The following ROBO2 variants were observed in gnomAD, a reference collection of about 807,000 sequenced individuals.
The protein encoded by ROBO2 is roundabout homolog 2.
A neutral mutation model predicts 160.8 loss-of-function variants in ROBO2; 53 were observed. The ratio of observed to expected loss-of-function variants is 0.33; its 90% CI spans 0.26 to 0.41. The LOEUF is 0.41. Ranked by LOEUF, ROBO2 falls within the 10% of genes least tolerant of loss-of-function variation. The pLI is 1.00. For synonymous variants in ROBO2, 664 were observed against 611.7 expected (o/e 1.09, Z -1.26); for missense variants, 1,577 against 1,722.4 (o/e 0.92, Z 1.49).
chr3:76,948,610 G>A (rs1455914593), intron 2 of ROBO2, among the ~76,000 whole-genome samples: 2 of 131,852 alleles, frequency 1.5e-5, no homozygotes, highest in African/African-American at 2.9e-5. Context: ...TTTTGGAGAC[G>A]GAGTCTCACC....
At chr3:76,205,029 C>T (rs1702733110) in intron 2 of ROBO2, among the ~76,000 whole-genome samples, 1 of 152,000 alleles carries the variant, frequency 6.6e-6, no homozygotes, top group African/African-American at 2.4e-5. Context: ...GACGAAGTTA[C>T]CCTTAGGTTT....
intron 2 of ROBO2, among the ~76,000 whole-genome samples, chr3:76,335,398 TCTTGAACTCCTGACCTCAAGTGATCTGCC>T (rs2073815056): frequency 1.3e-5 from 2 of 151,890 alleles, no homozygotes; most frequent in African/African-American, 4.8e-5. Context: ...GCCAGGCTGG[TCTTGAACTCCTGACCTCAAGTGATCTGCC>T]CACCTTGGCC....
At chr3:76,423,209 A>T (rs916126539) in intron 2 of ROBO2, among the ~76,000 whole-genome samples, 2 of 152,154 alleles carry the variant, frequency 1.3e-5, no homozygotes, top group Admixed American at 6.6e-5. Context: ...GAAATAGAGG[A>T]TCTCCCTGGA....
chr3:76,490,684 C>T (rs2079770887), intron 2 of ROBO2, among the ~76,000 whole-genome samples: 1 of 151,994 alleles, frequency 6.6e-6, no homozygotes, highest in Admixed American at 6.6e-5. Context: ...AATGCAACCC[C>T]AAACTTGAGA....
At chr3:77,102,840 C>T (rs1023327472) in intron 2 of ROBO2, among the ~76,000 whole-genome samples, 17 of 96,658 alleles carry the variant, frequency 1.8e-4, no homozygotes, top group South Asian at 6.7e-4. Flanking sequence ...TTATTTTTTT[C>T]TTAGTTTGCA....
chr3:76,119,055 A>G (rs1254004205), intron 2 of ROBO2, among the ~76,000 whole-genome samples: 2 of 152,206 alleles, frequency 1.3e-5, no homozygotes, highest in Admixed American at 1.3e-4. Context: ...CAATATGAGG[A>G]CATAGCAGAT....
At chr3:77,580,957 C>G (rs2093902877) in intron 16 of ROBO2, among the ~76,000 whole-genome samples, 1 of 152,130 alleles carries the variant, frequency 6.6e-6, no homozygotes. Flanking sequence ...CTCCCACCAG[C>G]AAGAAAAATG....
intron 2 of ROBO2, among the ~76,000 whole-genome samples, chr3:76,090,689 C>G (rs62268903): frequency 0.069 from 10,476 of 152,140 alleles, 915 homozygotes; most frequent in African/African-American, 0.2. Context: ...CAAACTTTGA[C>G]TTACTCTAAA....
intron 5 of ROBO2, among the ~76,000 whole-genome samples, chr3:77,512,748 G>T (rs9879585): frequency 6.6e-6 from 1 of 151,876 alleles, no homozygotes; most frequent in African/African-American, 2.4e-5. Context: ...GAAAGGTATA[G>T]GTTGACCTTC....
intron 2 of ROBO2, among the ~76,000 whole-genome samples, chr3:76,492,141 C>G (rs2079865063): frequency 6.6e-6 from 1 of 151,858 alleles, no homozygotes; most frequent in Non-Finnish European, 1.5e-5. Context: ...AAAAACACCC[C>G]CAAAACTTAA....
rs78581184 is a variant in ROBO2, at chr3:77,116,626, A to G, written c.388+18286A>G. 1.1e-4 allele frequency among the ~76,000 whole-genome samples: 16 copies of G among 152,294 alleles called. No homozygotes were observed. The East Asian group carries it at 2.9e-3, about 28-fold the overall frequency. ...GTATTTACCTGTAATTCTTTCGTCT[A>G]AACATTGCTTTTCTAATATGATTTC... On this transcript the variant is annotated intron_variant, in intron 2 of 25. Transcript: ENST00000461745.
chr3:76,635,738 CA>C (rs1346291138), intron 2 of ROBO2, among the ~76,000 whole-genome samples: 1 of 152,188 alleles, frequency 6.6e-6, no homozygotes, highest in African/African-American at 2.4e-5. Flanking sequence ...CTCACGAGCT[CA>C]AAAACAGGGA....
intron 23 of ROBO2, among the ~76,000 whole-genome samples, chr3:77,628,601 T>C (rs2095087639): frequency 6.6e-6 from 1 of 152,206 alleles, no homozygotes; most frequent in Admixed American, 6.5e-5. Context: ...ACATCTTATA[T>C]ACTATTTGAT....
chr3:76,739,458 C>T (rs1175886932), intron 2 of ROBO2, among the ~76,000 whole-genome samples: 1 of 133,448 alleles, frequency 7.5e-6, no homozygotes, highest in Non-Finnish European at 1.5e-5. Flanking sequence ...AGAAGGGGAA[C>T]ATCACACTCT....
At chr3:77,354,681 TTTGAA>T (rs1324444115) in intron 2 of ROBO2, among the ~76,000 whole-genome samples, 2 of 152,216 alleles carry the variant, frequency 1.3e-5, no homozygotes, top group Admixed American at 6.5e-5. Context: ...TAGGTATTTT[TTTGAA>T]TTATAACATG....
chr3:77,397,230 A>T (rs1159774037), intron 2 of ROBO2, among the ~76,000 whole-genome samples: 2 of 152,174 alleles, frequency 1.3e-5, no homozygotes, highest in African/African-American at 4.8e-5. Context: ...GAGACTGATC[A>T]TGGCTTGTTC....
intron 2 of ROBO2, among the ~76,000 whole-genome samples, chr3:76,334,330 C>A (rs2073717826): frequency 6.6e-6 from 1 of 152,102 alleles, no homozygotes; most frequent in South Asian, 2.1e-4. Flanking sequence ...CATCCCCCAC[C>A]TCCAGAAATG....
At chr3:77,139,218 C>T (rs1430706155) in intron 2 of ROBO2, among the ~76,000 whole-genome samples, 1 of 151,772 alleles carries the variant, frequency 6.6e-6, no homozygotes, top group African/African-American at 2.4e-5. Flanking sequence ...CTTCCAAATT[C>T]CCTGATTAAA....
At chr3:77,523,513 T>G (rs1226459122) in intron 6 of ROBO2, among the ~76,000 whole-genome samples, 1 of 151,418 alleles carries the variant, frequency 6.6e-6, no homozygotes, top group African/African-American at 2.4e-5. Context: ...GTCATGCACT[T>G]CCTCAGTCAT....
Sources: allele counts gnomAD v4.1 joint callset (sites outside exome capture counted in the v4.1 genomes callset), GRCh38; gene constraint gnomAD v4.1.1; transcripts MANE v1.5; gene names NCBI Gene and HGNC (gene_info 2026-07-23, HGNC 2026-07-21).